Variants in TNS1 observed in about 807,000 individuals in gnomAD.
The protein encoded by TNS1 is tensin 1.
Under a neutral mutation model 168.6 loss-of-function variants are expected in TNS1, and 62 were observed. That is an observed-to-expected ratio of 0.37 (90% CI 0.30 to 0.45). The LOEUF is 0.45. Ranked by LOEUF, TNS1 falls within the 20% of genes least tolerant of loss-of-function variation. The pLI is 1.00. For missense variants in TNS1, 2,240 were observed against 2,339.4 expected (o/e 0.96, Z 0.88); for synonymous variants, 934 against 933.2 (o/e 1.00, Z -0.02).
Position 217,906,386 on chromosome 2 carries a change from C to T in TNS1, c.271-1G>A. 2 of 702,648 alleles carry T rather than the reference C, an allele frequency of 2.8e-6. No individual in the cohort carries two copies. Among genetic ancestry groups the T allele is most frequent in the Non-Finnish European group, 5.2e-6 (2 of 384,864 alleles). 43.5% of individuals were successfully genotyped at this position (702,648 alleles called of 1,614,324 possible). A position where few individuals can be genotyped will look rare whatever the true frequency, so the allele number is the denominator to read the frequency against. On this transcript the variant is annotated splice_acceptor_variant, in intron 5 of 32. Coordinates refer to ENST00000682258, the MANE Select transcript of TNS1 (RefSeq NM_001387777.1). LOFTEE classifies it high-confidence loss of function. ...TTCCACCCCGGGAGGCTCCTTCTCC[C>T]TGCAGACAGAGAAAAGGCAGTCAGA...
chr2:217,987,575 T>C (rs892483835), intron 2 of TNS1, among the ~76,000 whole-genome samples: 15 of 152,208 alleles, frequency 9.9e-5, no homozygotes, highest in African/African-American at 3.6e-4. Flanking sequence ...CGCCCCAGTG[T>C]CTCCAGATCT....
At chr2:217,910,448 G>C (rs1954240634) in intron 4 of TNS1, among the ~76,000 whole-genome samples, 1 of 152,024 alleles carries the variant, frequency 6.6e-6, no homozygotes, top group African/African-American at 2.4e-5. Flanking sequence ...CAGGATTCAA[G>C]TCCTATCTCT....
chr2:217,992,227 G>A (rs986870948), intron 1 of TNS1, among the ~76,000 whole-genome samples: 26 of 152,186 alleles, frequency 1.7e-4, no homozygotes, highest in Non-Finnish European at 3.4e-4. Flanking sequence ...TAGCAGGAGG[G>A]GGCAAGACAC....
intron 18 of TNS1, among the ~76,000 whole-genome samples, chr2:217,868,131 G>A (rs1471082442): frequency 1.3e-5 from 2 of 152,272 alleles, no homozygotes; most frequent in African/African-American, 2.4e-5. Context: ...AGAAGCGAAT[G>A]TGACTGAGGA....
chr2:217,964,888 G>GC (rs1214511112), intron 3 of TNS1, among the ~76,000 whole-genome samples: 2 of 152,134 alleles, frequency 1.3e-5, no homozygotes, highest in Non-Finnish European at 2.9e-5. Flanking sequence ...CCTCCTAACG[G>GC]CCCCCCGCTA....
intron 3 of TNS1, among the ~76,000 whole-genome samples, chr2:217,964,918 G>A (rs779528904): frequency 1.8e-4 from 27 of 152,148 alleles, no homozygotes; most frequent in African/African-American, 4.6e-4. Flanking sequence ...CCACCTGCCC[G>A]CTGCAAGGGG....
At chr2:217,919,806 T>C (rs979661286) in intron 4 of TNS1, among the ~76,000 whole-genome samples, 2 of 152,026 alleles carry the variant, frequency 1.3e-5, no homozygotes, top group Admixed American at 1.3e-4. Context: ...GTGAATGGAC[T>C]CTGAGGGTCA....
intron 3 of TNS1, among the ~76,000 whole-genome samples, chr2:217,974,557 T>C (rs1229211627): frequency 1.3e-5 from 2 of 152,164 alleles, no homozygotes; most frequent in East Asian, 3.8e-4. Flanking sequence ...ATAGATAACA[T>C]TGACTATGAG....
chr2:217,975,542 A>G (rs1210164209), intron 3 of TNS1, among the ~76,000 whole-genome samples: 3 of 152,096 alleles, frequency 2.0e-5, no homozygotes, highest in African/African-American at 7.2e-5. Flanking sequence ...ATAGGAGAGG[A>G]CCAACATCAG....
At chr2:217,897,080 A>T (rs962049966) in intron 8 of TNS1, among the ~76,000 whole-genome samples, 1 of 152,178 alleles carries the variant, frequency 6.6e-6, no homozygotes, top group African/African-American at 2.4e-5. Context: ...AGCCTCCTAC[A>T]TCCCACCTCA....
At chr2:217,905,210 G>A in intron 6 of TNS1, 2 of 267,740 alleles carry the variant, frequency 7.5e-6, no homozygotes, top group Non-Finnish European at 1.5e-5. Context: ...GGTTCCCCCT[G>A]CACCCCAGTC....
intron 24 of TNS1, among the ~76,000 whole-genome samples, chr2:217,816,876 C>T (rs1284709085): frequency 6.6e-6 from 1 of 152,032 alleles, no homozygotes; most frequent in Non-Finnish European, 1.5e-5. Context: ...CTGAGGCTGC[C>T]CAAAACATTC....
intron 3 of TNS1, among the ~76,000 whole-genome samples, chr2:217,965,495 G>A (rs1219070853): frequency 6.6e-6 from 1 of 152,152 alleles, no homozygotes; most frequent in Non-Finnish European, 1.5e-5. Flanking sequence ...TGCTGTCCAG[G>A]CTCAGGAAGT....
At position 217,849,021 on chromosome 2, in the gene TNS1, G is replaced by A. The variant is rs1273157750; in HGVS notation, c.1496C>T (p.Ser499Phe). The A allele has an allele frequency of 6.2e-7, 1 of 1,614,024 alleles. No individual in the cohort carries two copies. The highest frequency in any genetic ancestry group is 1.1e-5 in the South Asian group (1 of 91,066). ...AACAGCCCCGGTGCTGCCGTGCAGG[G>A]AGTCTTTCTTCTTCACCTTAGCATA... ...SLYAKVKKKD[S>F]LHGSTGAVNA... Residue 499 changes from serine to phenylalanine, a missense_variant, in exon 19 of 33, where the codon TCC becomes TTC. Physicochemically the swap from Ser to Phe is radical, Grantham distance 155. Around this residue, in one of 2 missense-constraint regions of TNS1, gnomAD observed 2,131 missense variants for 2,171.2 expected, o/e 0.98. Transcript: ENST00000682258.
At chr2:217,943,234 G>A (rs1957003972) in intron 3 of TNS1, among the ~76,000 whole-genome samples, 1 of 152,172 alleles carries the variant, frequency 6.6e-6, no homozygotes, top group South Asian at 2.1e-4. Context: ...CCATGGGCAA[G>A]GGAGCAGGGC....
intron 19 of TNS1, chr2:217,842,134 T>C (rs918952): frequency 0.4 from 278,688 of 702,444 alleles, 58,795 homozygotes; most frequent in African/African-American, 0.68. Flanking sequence ...ATGTGGGAGG[T>C]TCCAGGACTC....
intron 3 of TNS1, among the ~76,000 whole-genome samples, chr2:217,944,611 G>C (rs2125954289): frequency 6.6e-6 from 1 of 152,344 alleles, no homozygotes; most frequent in East Asian, 1.9e-4. Flanking sequence ...TCAAATGTGA[G>C]ATAGTAATCT....
At chr2:217,853,035 T>C (rs1056795153) in intron 18 of TNS1, among the ~76,000 whole-genome samples, 10 of 151,466 alleles carry the variant, frequency 6.6e-5, no homozygotes, top group African/African-American at 2.4e-4. Context: ...GTGCCCCTCC[T>C]CCTCCCACCA....
At chr2:218,028,820 G>A (rs893553523) in intron 1 of TNS1, among the ~76,000 whole-genome samples, 2 of 152,324 alleles carry the variant, frequency 1.3e-5, no homozygotes, top group East Asian at 1.9e-4. Flanking sequence ...GTCAGCAAGG[G>A]GACCTGGCCC....
Sources: allele counts gnomAD v4.1 joint callset (sites outside exome capture counted in the v4.1 genomes callset), GRCh38; gene constraint gnomAD v4.1.1; regional missense constraint gnomAD v4.1.1; transcripts MANE v1.5; gene names NCBI Gene and HGNC (gene_info 2026-07-23, HGNC 2026-07-21).